SPTBN1: variants seen among roughly 807,000 people sequenced by gnomAD.
The protein encoded by SPTBN1 is spectrin beta chain, non-erythrocytic 1.
Under a neutral mutation model 266.4 loss-of-function variants are expected in SPTBN1, and 32 were observed. That is an observed-to-expected ratio of 0.12 (90% CI 0.09 to 0.16). SPTBN1 has a LOEUF of 0.16. Among genes scored for constraint, SPTBN1 ranks in the 10% least tolerant of loss-of-function variants. The probability of loss-of-function intolerance (pLI) is 1.00; values close to 1 mark genes in which losing one functional copy is unlikely to be tolerated. For missense variants in SPTBN1, 2,296 were observed against 3,067.1 expected (o/e 0.75, Z 5.94); for synonymous variants, 1,336 against 1,162.2 (o/e 1.15, Z -3.04).
At chr2:54,600,218 T>C (rs558121044) in intron 3 of SPTBN1, among the ~76,000 whole-genome samples, 3 of 152,302 alleles carry the variant, frequency 2.0e-5, no homozygotes, top group Non-Finnish European at 4.4e-5. Flanking sequence ...TTGTCCTATT[T>C]GTTATCAGCT....
Position 54,558,746 on chromosome 2 carries a change from G to A in SPTBN1, c.148+32180G>A, listed in dbSNP as rs759663352. On this transcript the variant is annotated intron_variant, in intron 2 of 35. Transcript: ENST00000356805. This position sits in a 1 kb window ranked among gnomAD's most constrained non-coding sequence, Gnocchi z 4.6. The stretch of plus-strand genomic sequence containing the variant: ...GAGGGGGCTGGAGCGAGATTTCCAG[G>A]GCGCAGTCCTCCGGGGCGTTACGCC... 54 of 1,601,204 alleles carry A rather than the reference G, an allele frequency of 3.4e-5. No individual in the cohort carries two copies. In the African/African-American group the frequency reaches 6.7e-4, roughly 20 times the overall value.
In SPTBN1 at chr2:54,456,798, T is replaced by G. The variant is rs1346477724; in HGVS notation, c.-48+280T>G. Among the ~76,000 whole-genome samples the G allele has an allele frequency of 2.4e-4, 36 of 150,812 alleles. No individual in the cohort carries two copies. In the East Asian group the frequency reaches 6.7e-3, roughly 28 times the overall value. On this transcript the variant is annotated intron_variant, in intron 1 of 35. Transcript: ENST00000356805. The stretch of plus-strand genomic sequence containing the variant: ...CGGTGAGGCGGCAGCAGACCCGCCG[T>G]GCGCACCGCTGCCGTCCGGCCCCAG...
chr2:54,471,564 T>G (rs1202543978), intron 1 of SPTBN1, among the ~76,000 whole-genome samples: 1 of 151,964 alleles, frequency 6.6e-6, no homozygotes, highest in Admixed American at 6.6e-5. Context: ...AACATCTTAC[T>G]TGGTTGTCTT....
At chr2:54,547,775 T>G (rs1204311806) in intron 2 of SPTBN1, among the ~76,000 whole-genome samples, 1 of 152,164 alleles carries the variant, frequency 6.6e-6, no homozygotes, top group Non-Finnish European at 1.5e-5. Context: ...GAGAGGTAGT[T>G]ATAGGTGAGC....
chr2:54,484,700 A>C (rs926882566), intron 1 of SPTBN1, among the ~76,000 whole-genome samples: 2 of 152,160 alleles, frequency 1.3e-5, no homozygotes, highest in Non-Finnish European at 2.9e-5. Flanking sequence ...CAAGTAGAGA[A>C]GTGTTAACTC....
At chr2:54,633,051 A>G (rs1678862560) in intron 17 of SPTBN1, among the ~76,000 whole-genome samples, 1 of 152,216 alleles carries the variant, frequency 6.6e-6, no homozygotes, top group Admixed American at 6.5e-5. Context: ...GTAGTGCTGC[A>G]TCGCGATCAG....
rs1270659841 is a variant in SPTBN1 at position 54,638,912 on chromosome 2, A to G, written c.3858+1109A>G. ...CAGTGACAGCTGCGTTAGATCACGT[A>G]TGACAGAAGCAATCCTTTGCATCCG... On this transcript the variant is annotated intron_variant, in intron 18 of 35. Transcript: ENST00000356805. 5.3e-5 allele frequency among the ~76,000 whole-genome samples: 8 copies of G among 152,260 alleles called. No individual in the cohort carries two copies. In the East Asian group the frequency reaches 5.8e-4, roughly 11 times the overall value.
chr2:54,566,361 T>C (rs1251833151), intron 2 of SPTBN1, among the ~76,000 whole-genome samples: 7 of 151,904 alleles, frequency 4.6e-5, no homozygotes, highest in African/African-American at 4.8e-5. Flanking sequence ...CTAATTTGTG[T>C]ATTTTCTGTA....
chr2:54,583,806 C>T (rs1203045395), intron 2 of SPTBN1, among the ~76,000 whole-genome samples: 1 of 152,172 alleles, frequency 6.6e-6, no homozygotes, highest in Non-Finnish European at 1.5e-5. Flanking sequence ...AGTATGTTTT[C>T]CTCCAGTGAG....
At chr2:54,575,968 A>G in intron 2 of SPTBN1, among the ~76,000 whole-genome samples, 1 of 150,492 alleles carries the variant, frequency 6.6e-6, no homozygotes, top group Admixed American at 6.6e-5. Flanking sequence ...AGACTTTGGT[A>G]CAGTTTAGGT....
intron 33 of SPTBN1, 79 bp from the exon 34 acceptor site, chr2:54,665,836 G>A: frequency 6.8e-7 from 1 of 1,466,976 alleles, no homozygotes; most frequent in South Asian, 1.3e-5. Context: ...TCATTTTCAT[G>A]TTAATGAAAT....
intron 1 of SPTBN1, among the ~76,000 whole-genome samples, chr2:54,485,342 C>A (rs535170084): frequency 2.0e-5 from 3 of 152,196 alleles, no homozygotes; most frequent in Admixed American, 2.0e-4. Context: ...AGGCACGCGC[C>A]GCCACGCCTG....
At chr2:54,612,598 A>C (rs1677293862) in intron 4 of SPTBN1, among the ~76,000 whole-genome samples, 1 of 152,134 alleles carries the variant, frequency 6.6e-6, no homozygotes. Context: ...AGGGGCTTCT[A>C]GGCTGCATCC....
chr2:54,580,005 C>T (rs957653485), intron 2 of SPTBN1, among the ~76,000 whole-genome samples: 8 of 152,208 alleles, frequency 5.3e-5, no homozygotes, highest in African/African-American at 1.4e-4. Context: ...CCTGTATGAC[C>T]TTCTTTATGT....
rs974793078 is a variant in SPTBN1, at chr2:54,533,870, GA to G, written c.148+7307del. Among the ~76,000 whole-genome samples the G allele has an allele frequency of 6.6e-6, 1 of 151,124 alleles. No individual in the cohort carries two copies. The highest frequency in any genetic ancestry group is 2.4e-5 in the African/African-American group (1 of 41,010). On this transcript the variant is annotated intron_variant, in intron 2 of 35. Transcript: ENST00000356805. This position sits in a 1 kb window ranked among gnomAD's most constrained non-coding sequence, Gnocchi z 4.2. Reference sequence around the variant, plus strand: ...CCGGCCTGCTGTAGTAATTTAGGGGGAAAGATTGATCTCTCTCTCTGTCTCT... The same window carrying G: ...CCGGCCTGCTGTAGTAATTTAGGGGGAAGATTGATCTCTCTCTCTGTCTCT...
intron 6 of SPTBN1, among the ~76,000 whole-genome samples, 185 bp from the exon 7 acceptor site, chr2:54,617,892 TA>T (rs1374207242): frequency 6.6e-6 from 1 of 152,238 alleles, no homozygotes; most frequent in Non-Finnish European, 1.5e-5. Context: ...TTTTTTTTCT[TA>T]ATTAACTTTG....
chr2:54,519,520 C>T (rs1205692313), intron 1 of SPTBN1, among the ~76,000 whole-genome samples: 11 of 152,068 alleles, frequency 7.2e-5, no homozygotes, highest in Admixed American at 7.2e-4. Context: ...AGGTTTGGAA[C>T]TGAGACAAGA....
chr2:54,542,621 G>A (rs1441785588), intron 2 of SPTBN1, among the ~76,000 whole-genome samples: 2 of 152,266 alleles, frequency 1.3e-5, no homozygotes, highest in East Asian at 1.9e-4. Context: ...ATCCCTCTGG[G>A]GACACTGTGA....
intron 1 of SPTBN1, among the ~76,000 whole-genome samples, chr2:54,518,454 TAAA>T (rs66586310): frequency 3.5e-5 from 5 of 143,712 alleles, no homozygotes; most frequent in African/African-American, 1.0e-4. Context: ...AAAGTATAAT[TAAA>T]AAAAAAAAAA....
Sources: allele counts gnomAD v4.1 joint callset (sites outside exome capture counted in the v4.1 genomes callset), GRCh38; gene constraint gnomAD v4.1.1; non-coding constraint Gnocchi (gnomAD v3.1); transcripts MANE v1.5; gene names NCBI Gene and HGNC (gene_info 2026-07-23, HGNC 2026-07-21).